PLS1: variants seen among roughly 807,000 people sequenced by gnomAD.
The protein encoded by PLS1 is plastin-1.
In PLS1, 32 loss-of-function variants were observed where a neutral mutation model predicts 73.7. The observed-to-expected ratio is 0.43, with a 90% confidence interval of 0.33 to 0.58. PLS1 has a LOEUF of 0.58. Ranked by LOEUF, PLS1 falls within the 20% of genes least tolerant of loss-of-function variation. The pLI is 0.04. For synonymous variants in PLS1, 217 were observed against 261.3 expected (o/e 0.83, Z 1.63); for missense variants, 633 against 740.5 (o/e 0.85, Z 1.68).
In PLS1 at chr3:142,704,635, ATTTTTTT is replaced by A. The variant is rs10631186; in HGVS notation, c.1629+73_1629+79del. Reference sequence around the variant, plus strand: ...TTTTTTTTTGTAGGTATAGGAAGGAATTTTTTTTTTTTTTTTTTTTTTTTTTTTTTGG... The same window carrying A: ...TTTTTTTTTGTAGGTATAGGAAGGAATTTTTTTTTTTTTTTTTTTTTTTGG... On this transcript the variant is annotated intron_variant, in intron 14 of 15. Coordinates refer to ENST00000457734, the MANE Select transcript of PLS1 (RefSeq NM_001145319.2). 4.6e-3 allele frequency: 1,194 copies of A among 261,782 alleles called. 4 individuals carry two copies. The highest frequency in any genetic ancestry group is 6.2e-3 in the Non-Finnish European group (949 of 151,896). 16.2% of individuals were successfully genotyped at this position (261,782 alleles called of 1,614,324 possible).
chr3:142,653,515 C>T (rs2037149061), intron 1 of PLS1, among the ~76,000 whole-genome samples: 1 of 151,950 alleles, frequency 6.6e-6, no homozygotes, highest in African/African-American at 2.4e-5. Flanking sequence ...CTCAAGCCAC[C>T]ACGGCCGGCT....
At chr3:142,683,799 G>C (rs1284152137) in intron 6 of PLS1, among the ~76,000 whole-genome samples, 2 of 151,016 alleles carry the variant, frequency 1.3e-5, no homozygotes, top group African/African-American at 4.9e-5. Flanking sequence ...AGGAGGTCTG[G>C]GTGGAAATAG....
At chr3:142,628,345 G>A (rs1407419043) in intron 1 of PLS1, among the ~76,000 whole-genome samples, 3 of 29,360 alleles carry the variant, frequency 1.0e-4, no homozygotes, top group Admixed American at 2.2e-4. Flanking sequence ...GTGTGTGCGC[G>A]CACATGTGCA....
Position 142,698,004 on chromosome 3 carries a change from G to T in PLS1, c.1308G>T (p.Val436=), listed in dbSNP as rs956478410. The T allele has an allele frequency of 1.2e-6, 2 of 1,613,758 alleles. No homozygotes were observed. Residue 436 remains valine, a synonymous_variant, in exon 12 of 16, where the codon GTG becomes GTT. Transcript: ENST00000457734. The part of the protein sequence containing the change: ...VIFQLYEMIR[V]PVNWSHVNKP... ...TTCAGCTCTATGAGATGATCCGAGT[G>T]CCAGTCAACTGGAGCCATGTCAACA...
At chr3:142,678,214 G>T in intron 6 of PLS1, 101 bp downstream of exon 6, 1 of 478,354 alleles carries the variant, frequency 2.1e-6, no homozygotes. Context: ...TGATTTAATT[G>T]TAATGCTATT....
intron 3 of PLS1, among the ~76,000 whole-genome samples, chr3:142,670,787 A>G (rs761216521): frequency 7.9e-5 from 12 of 152,234 alleles, no homozygotes; most frequent in Non-Finnish European, 1.5e-4. Flanking sequence ...GTTATAAAAA[A>G]TTTATTCCAC....
At chr3:142,657,670 A>T (rs546341210) in intron 1 of PLS1, among the ~76,000 whole-genome samples, 7 of 151,962 alleles carry the variant, frequency 4.6e-5, no homozygotes, top group African/African-American at 1.7e-4. Flanking sequence ...TTGTATTTTT[A>T]GTAGAGACGG....
intron 6 of PLS1, 73 bp from the exon 7 acceptor site, chr3:142,683,933 C>T: frequency 6.4e-6 from 7 of 1,091,470 alleles, no homozygotes; most frequent in East Asian, 2.5e-5. Context: ...TCCATTGTTT[C>T]TTATAGATAA....
chr3:142,691,383 C>A (rs1222957756), intron 10 of PLS1, among the ~76,000 whole-genome samples: 1 of 151,878 alleles, frequency 6.6e-6, no homozygotes, highest in Non-Finnish European at 1.5e-5. Flanking sequence ...AAAAGCAACA[C>A]TGTTAGGTTT....
At chr3:142,619,618 C>T (rs770746374) in intron 1 of PLS1, 1 of 152,120 alleles carries the variant, frequency 6.6e-6, no homozygotes, top group Non-Finnish European at 1.5e-5. Context: ...TTAAAGAAGC[C>T]CCTGCAGCAT....
At chr3:142,633,448 G>T (rs538848803) in intron 1 of PLS1, among the ~76,000 whole-genome samples, 1 of 152,304 alleles carries the variant, frequency 6.6e-6, no homozygotes, top group African/African-American at 2.4e-5. Flanking sequence ...CTGAGGTCAG[G>T]AGTTCGAGAT....
chr3:142,703,090 C>G (rs1577911958), intron 12 of PLS1, among the ~76,000 whole-genome samples: 2 of 152,122 alleles, frequency 1.3e-5, no homozygotes, highest in Admixed American at 1.3e-4. Flanking sequence ...AGCTGAATTT[C>G]AGAGGATAAG....
At chr3:142,696,522 G>A (rs1157650680) in intron 11 of PLS1, among the ~76,000 whole-genome samples, 1 of 151,768 alleles carries the variant, frequency 6.6e-6, no homozygotes, top group East Asian at 1.9e-4. Context: ...CCACCCCCAA[G>A]AATTTTTAGG....
intron 11 of PLS1, among the ~76,000 whole-genome samples, chr3:142,696,436 A>G (rs980264227): frequency 1.1e-4 from 16 of 152,194 alleles, no homozygotes; most frequent in African/African-American, 3.9e-4. Context: ...TCAGATGTAG[A>G]AGAACAATAG....
rs2038152700 is a variant in PLS1 at position 142,694,491 on chromosome 3, A to C, written c.1200A>C (p.Thr400=). The C allele has an allele frequency of 6.2e-7, 1 of 1,605,752 alleles. No individual in the cohort carries two copies. The highest frequency in any genetic ancestry group is 8.5e-7 in the Non-Finnish European group (1 of 1,172,586). ...TAGGAGAGAGCAAGGAAGAGAGAAC[A>C]TTTCGGAACTGGATGAATTCCTTGG... ...LLEGESKEER[T]FRNWMNSLGV... is the part of the protein sequence containing the mutation. The change falls in exon 11 of 16, where the codon ACA becomes ACC. Residue 400 remains threonine, a synonymous_variant. Transcript: ENST00000457734.
intron 1 of PLS1, among the ~76,000 whole-genome samples, chr3:142,663,702 G>C (rs1281197346): frequency 7.2e-6 from 1 of 139,616 alleles, no homozygotes; most frequent in Non-Finnish European, 1.5e-5. Flanking sequence ...CTTCACATGG[G>C]GTAGGGGAAA....
chr3:142,694,642 G>A, intron 11 of PLS1, 95 bp downstream of exon 11: 1 of 679,304 alleles, frequency 1.5e-6, no homozygotes, highest in Non-Finnish European at 2.5e-6. Context: ...TTCTCAAGTT[G>A]CAAGAATTTT....
chr3:142,610,320 C>G (rs2036096008), intron 1 of PLS1, among the ~76,000 whole-genome samples: 1 of 152,132 alleles, frequency 6.6e-6, no homozygotes, highest in East Asian at 1.9e-4. Flanking sequence ...CTCTAGAAAC[C>G]AGATTGTCAC....
chr3:142,682,929 C>A (rs191227226), intron 6 of PLS1, among the ~76,000 whole-genome samples: 1 of 152,160 alleles, frequency 6.6e-6, no homozygotes, highest in Non-Finnish European at 1.5e-5. Flanking sequence ...TCTGGTTCTG[C>A]TGCTTCTTTC....
Sources: gnomAD v4.1 joint callset for allele counts (sites outside exome capture counted in the v4.1 genomes callset) on GRCh38, gnomAD v4.1.1 for gene constraint, MANE v1.5 for transcripts, NCBI Gene and HGNC (gene_info 2026-07-23, HGNC 2026-07-21) for gene names.